The following MEI4 variants were observed in gnomAD, a reference collection of about 807,000 sequenced individuals.
MEI4 encodes meiosis-specific protein MEI4.
In MEI4, 27 loss-of-function variants were observed where a neutral mutation model predicts 31.4. The observed-to-expected ratio is 0.86, with a 90% confidence interval of 0.63 to 1.19. MEI4 has a LOEUF of 1.19. Ranked by LOEUF, MEI4 falls within the 50% of genes most tolerant of loss-of-function variation. The pLI, the probability that MEI4 is intolerant of heterozygous loss-of-function variation, is 0.00. For synonymous variants in MEI4, 122 were observed against 145.4 expected, an observed-to-expected ratio of 0.84 and a Z score of 1.16; for missense variants, 329 against 398.9, an observed-to-expected ratio of 0.82 and a Z score of 1.49.
intron 4 of MEI4, among the ~76,000 whole-genome samples, chr6:77,858,800 T>C (rs1770797512): frequency 1.6e-5 from 2 of 125,074 alleles, no homozygotes; most frequent in South Asian, 5.9e-4. Flanking sequence ...AAGCAGGATA[T>C]ACTACAATTT....
At chr6:77,672,589 G>C (rs1032201587) in intron 1 of MEI4, among the ~76,000 whole-genome samples, 2 of 152,140 alleles carry the variant, frequency 1.3e-5, no homozygotes, top group Admixed American at 6.5e-5. Context: ...GCCCAGGCTG[G>C]AGTGCAGTGT....
chr6:77,799,455 C>G (rs1323703086), intron 3 of MEI4, among the ~76,000 whole-genome samples: 1 of 152,056 alleles, frequency 6.6e-6, no homozygotes, highest in Admixed American at 6.6e-5. Context: ...CCTATTCAAT[C>G]TGATGGTAGT....
At chr6:77,895,670 T>C (rs1474431189) in intron 4 of MEI4, among the ~76,000 whole-genome samples, 1 of 152,146 alleles carries the variant, frequency 6.6e-6, no homozygotes, top group African/African-American at 2.4e-5. Flanking sequence ...CCAGGGACTC[T>C]TATAGGTGGA....
rs548178755 is a variant in MEI4, at chr6:77,847,565, T to C, written c.900+18503T>C. Among the ~76,000 whole-genome samples, 2 of 152,290 alleles carry C rather than the reference T, an allele frequency of 1.3e-5. No individual in the cohort carries two copies. Among genetic ancestry groups the C allele is most frequent in the South Asian group, 4.1e-4 (2 of 4,834 alleles). On this transcript the variant is annotated intron_variant, in intron 4 of 4. Transcript: ENST00000684080. The surrounding 1 kb of genome is among the most constrained non-coding windows in gnomAD (Gnocchi z 4.6). The stretch of plus-strand genomic sequence containing the variant: ...CTTGTTTCCTGTGGCAAGTAAAATA[T>C]ATTTGTTCAGAATAATTTTCTGATG...
At chr6:77,668,925 G>T (rs757046023) in intron 1 of MEI4, among the ~76,000 whole-genome samples, 8 of 152,092 alleles carry the variant, frequency 5.3e-5, no homozygotes, top group Non-Finnish European at 1.0e-4. Flanking sequence ...GTCCATTCCT[G>T]AATGTCTTCT....
At chr6:77,765,954 C>T (rs1167185801) in intron 3 of MEI4, among the ~76,000 whole-genome samples, 1 of 152,194 alleles carries the variant, frequency 6.6e-6, no homozygotes, top group East Asian at 1.9e-4. Flanking sequence ...ACCACATGTT[C>T]TCACTCATAG....
intron 1 of MEI4, among the ~76,000 whole-genome samples, chr6:77,656,770 A>G: frequency 6.6e-6 from 1 of 152,190 alleles, no homozygotes; most frequent in East Asian, 1.9e-4. Context: ...TTAATAATTT[A>G]GTTTCCATTC....
chr6:77,834,222 C>A (rs889765683), intron 4 of MEI4, among the ~76,000 whole-genome samples: 2 of 151,724 alleles, frequency 1.3e-5, no homozygotes, highest in Non-Finnish European at 2.9e-5. Flanking sequence ...TTCTATGGAA[C>A]CTTTAGAAAG....
chr6:77,812,291 C>T (rs1007095490), intron 3 of MEI4, among the ~76,000 whole-genome samples: 2 of 150,704 alleles, frequency 1.3e-5, no homozygotes, highest in African/African-American at 4.9e-5. Flanking sequence ...AATTTGAATA[C>T]CCACAAAAAT....
At chr6:77,895,677 T>C (rs1766070261) in intron 4 of MEI4, among the ~76,000 whole-genome samples, 1 of 152,060 alleles carries the variant, frequency 6.6e-6, no homozygotes, top group Non-Finnish European at 1.5e-5. Flanking sequence ...CTCTTATAGG[T>C]GGAGATCATG....
At chr6:77,894,000 T>C (rs1766024284) in intron 4 of MEI4, among the ~76,000 whole-genome samples, 2 of 152,086 alleles carry the variant, frequency 1.3e-5, no homozygotes, top group Admixed American at 6.6e-5. Flanking sequence ...AAAAAGAAAA[T>C]CATAACTAAG....
intron 2 of MEI4, among the ~76,000 whole-genome samples, chr6:77,747,533 A>G (rs1767647645): frequency 6.6e-6 from 1 of 152,028 alleles, no homozygotes; most frequent in South Asian, 2.1e-4. Context: ...ATGAGAACCC[A>G]CTTAGTGTCA....
intron 2 of MEI4, among the ~76,000 whole-genome samples, chr6:77,746,990 G>T (rs185012449): frequency 7.8e-4 from 119 of 152,234 alleles, no homozygotes; most frequent in Non-Finnish European, 1.4e-3. Context: ...TTCTATGAGT[G>T]TATTATTTCA....
intron 2 of MEI4, among the ~76,000 whole-genome samples, chr6:77,697,196 G>C (rs1328777207): frequency 6.6e-6 from 1 of 152,058 alleles, no homozygotes; most frequent in Non-Finnish European, 1.5e-5. Flanking sequence ...TATCAATTTT[G>C]TTGATCTTTT....
chr6:77,733,439 T>C (rs1316537969), intron 2 of MEI4, among the ~76,000 whole-genome samples: 1 of 152,146 alleles, frequency 6.6e-6, no homozygotes, highest in Admixed American at 6.5e-5. Flanking sequence ...TATTCTCTGA[T>C]GGTAGTTTGT....
At chr6:77,676,621 G>A (rs1190106504) in intron 1 of MEI4, among the ~76,000 whole-genome samples, 1 of 152,158 alleles carries the variant, frequency 6.6e-6, no homozygotes, top group Non-Finnish European at 1.5e-5. Flanking sequence ...AATGATATGG[G>A]TGGTTGGTGA....
chr6:77,783,242 G>A (rs1156288577), intron 3 of MEI4, among the ~76,000 whole-genome samples: 1 of 152,162 alleles, frequency 6.6e-6, no homozygotes, highest in East Asian at 1.9e-4. Context: ...TGGGATGCAG[G>A]TGAGCATATA....
At position 77,887,485 on chromosome 6, in the gene MEI4, C is replaced by T. The variant is rs532719982; in HGVS notation, c.901-35604C>T. ...CTAATTTTTGTACTTTTAGTAGGGA[C>T]GGGGTTTCACCATGTTGGCCAGGCT... On this transcript the variant is annotated intron_variant, in intron 4 of 4. Transcript: ENST00000684080. Among the ~76,000 whole-genome samples, 537 of 151,670 alleles carry T rather than the reference C, an allele frequency of 3.5e-3. 2 individuals carry two copies. The highest frequency in any genetic ancestry group is 5.9e-3 in the Non-Finnish European group (400 of 67,850).
chr6:77,854,996 C>T (rs1038270896), intron 4 of MEI4, among the ~76,000 whole-genome samples: 10 of 148,914 alleles, frequency 6.7e-5, no homozygotes, highest in African/African-American at 2.0e-4. Flanking sequence ...GGGAGGGGGG[C>T]GGTTAGCCCT....
Sources: allele counts gnomAD v4.1 joint callset (sites outside exome capture counted in the v4.1 genomes callset), GRCh38; gene constraint gnomAD v4.1.1; non-coding constraint Gnocchi (gnomAD v3.1); transcripts MANE v1.5; gene names NCBI Gene and HGNC (gene_info 2026-07-23, HGNC 2026-07-21).